Variants in KSR2 observed in about 807,000 individuals in gnomAD.
The protein encoded by KSR2 is kinase suppressor of ras 2.
A neutral mutation model predicts 107.8 loss-of-function variants in KSR2; 25 were observed. That is an observed-to-expected ratio of 0.23 (90% CI 0.17 to 0.32). The LOEUF (loss-of-function observed/expected upper bound fraction) is 0.32, where lower values mean the gene tolerates loss of function less well. KSR2 is among the 10% of genes least tolerant of loss of function. KSR2 has a pLI of 1.00. For synonymous variants in KSR2, 480 were observed against 507.0 expected, an observed-to-expected ratio of 0.95 and a Z score of 0.71; for missense variants, 887 against 1,268.9, an observed-to-expected ratio of 0.70 and a Z score of 4.57.
intron 4 of KSR2, among the ~76,000 whole-genome samples, chr12:117,714,057 G>A (rs904025115): frequency 2.0e-5 from 3 of 152,086 alleles, no homozygotes; most frequent in South Asian, 4.2e-4. Context: ...ATTTGGGGGC[G>A]GGATGGAGTG....
chr12:117,859,662 G>A (rs1431084135), intron 2 of KSR2, among the ~76,000 whole-genome samples: 3 of 151,822 alleles, frequency 2.0e-5, no homozygotes, highest in Admixed American at 1.3e-4. Flanking sequence ...TCGCCATGTT[G>A]CCCAGGCTGG....
chr12:117,739,323 C>T (rs1429274963), intron 4 of KSR2, among the ~76,000 whole-genome samples: 1 of 152,142 alleles, frequency 6.6e-6, no homozygotes, highest in African/African-American at 2.4e-5. Flanking sequence ...CCACTGCACT[C>T]CAGCCTGGGC....
chr12:117,475,160 T>C (rs1391706935), intron 17 of KSR2, among the ~76,000 whole-genome samples: 2 of 152,176 alleles, frequency 1.3e-5, no homozygotes, highest in Non-Finnish European at 2.9e-5. Context: ...GCCAGAGTGA[T>C]CTGATTGATC....
chr12:117,491,738 G>T (rs1030488759), intron 14 of KSR2, among the ~76,000 whole-genome samples: 1 of 152,174 alleles, frequency 6.6e-6, no homozygotes, highest in Admixed American at 6.5e-5. Context: ...CGTTCCTCTG[G>T]ATAAATACCC....
intron 7 of KSR2, among the ~76,000 whole-genome samples, chr12:117,570,968 C>G (rs1469949154): frequency 1.3e-5 from 2 of 152,134 alleles, no homozygotes; most frequent in Non-Finnish European, 2.9e-5. Flanking sequence ...TCAGAAGAAA[C>G]CTATTCCAGC....
intron 7 of KSR2, among the ~76,000 whole-genome samples, chr12:117,568,640 A>C (rs1356934922): frequency 6.6e-6 from 1 of 152,134 alleles, no homozygotes; most frequent in African/African-American, 2.4e-5. Flanking sequence ...TAGTTGTGGC[A>C]AGGATTAAAT....
At chr12:117,748,050 C>A (rs1888474640) in intron 4 of KSR2, among the ~76,000 whole-genome samples, 1 of 152,082 alleles carries the variant, frequency 6.6e-6, no homozygotes, top group Non-Finnish European at 1.5e-5. Flanking sequence ...TTGAATCAAC[C>A]TAAGAGTCCA....
chr12:117,817,285 A>G (rs1891406331), intron 3 of KSR2, among the ~76,000 whole-genome samples: 1 of 152,196 alleles, frequency 6.6e-6, no homozygotes, highest in African/African-American at 2.4e-5. Context: ...TCTGAATTTC[A>G]AAACCATTCT....
At chr12:117,898,335 CT>C (rs763844468) in intron 1 of KSR2, among the ~76,000 whole-genome samples, 4,923 of 143,774 alleles carry the variant, frequency 0.034, 219 homozygotes, top group African/African-American at 0.11. Flanking sequence ...TTTTTTTTAA[CT>C]TTTTTTTTTT....
At chr12:117,961,113 T>C (rs2137606729) in intron 1 of KSR2, among the ~76,000 whole-genome samples, 1 of 152,320 alleles carries the variant, frequency 6.6e-6, no homozygotes, top group South Asian at 2.1e-4. Context: ...CTCTTCTTCC[T>C]GAGCTCAGCT....
chr12:117,547,898 C>T (rs1216854785), intron 9 of KSR2, among the ~76,000 whole-genome samples: 2 of 151,146 alleles, frequency 1.3e-5, no homozygotes, highest in Admixed American at 1.3e-4. Context: ...AGTTCAAGAC[C>T]AGCCTGGCCA....
chr12:117,574,484 G>C (rs572687998), intron 7 of KSR2, among the ~76,000 whole-genome samples: 1 of 152,236 alleles, frequency 6.6e-6, no homozygotes, highest in Admixed American at 6.5e-5. Context: ...GAAACCCAAA[G>C]GCCGCGACAA....
chr12:117,851,509 G>C (rs1006705688), intron 3 of KSR2, among the ~76,000 whole-genome samples: 1 of 152,152 alleles, frequency 6.6e-6, no homozygotes, highest in South Asian at 2.1e-4. Context: ...CTTGAGCCCA[G>C]AAGGTCGAGG....
At chr12:117,798,263 C>T (rs1189294686) in intron 3 of KSR2, among the ~76,000 whole-genome samples, 5 of 152,152 alleles carry the variant, frequency 3.3e-5, no homozygotes, top group African/African-American at 7.2e-5. Context: ...CTCATATCCG[C>T]GCTTCTGCCT....
In KSR2 at chr12:117,462,145, T is replaced by G. The variant is rs1023531073; in HGVS notation, c.*5054A>C. On this transcript the variant is annotated 3_prime_UTR_variant, in exon 20 of 20. Coordinates refer to ENST00000339824, the MANE Select transcript of KSR2 (RefSeq NM_173598.6). ...TAGACCAGGAATTCTGGGGAATCTA[T>G]CTTCAAGGGCACCTGGGTTCTACAG... 2.7e-5 allele frequency: 4 copies of G among 147,938 alleles called. No homozygotes were observed. The highest frequency in any genetic ancestry group is 5.9e-5 in the Non-Finnish European group (4 of 67,714). The allele number at this position is 147,938 out of a possible 1,614,324, so 9.2% of individuals were successfully genotyped here. A position where few individuals can be genotyped will look rare whatever the true frequency, so the allele number is the denominator to read the frequency against.
intron 14 of KSR2, among the ~76,000 whole-genome samples, chr12:117,508,845 G>A (rs939371842): frequency 1.4e-5 from 2 of 146,830 alleles, no homozygotes; most frequent in African/African-American, 5.0e-5. Context: ...ATGTTAAACA[G>A]ATGGGTGGAT....
At chr12:117,596,655 A>G (rs562189758) in intron 5 of KSR2, among the ~76,000 whole-genome samples, 4 of 152,348 alleles carry the variant, frequency 2.6e-5, no homozygotes, top group African/African-American at 9.6e-5. Flanking sequence ...TCAGCGCAAC[A>G]GAACCCAAAA....
In KSR2 at chr12:117,968,892, G is replaced by A; in HGVS notation, c.-637C>T. On this transcript the variant is annotated 5_prime_UTR_variant, in exon 1 of 20. Transcript: ENST00000339824. Reference sequence around the variant, plus strand: ...CGGCTGGCTGCTGTCTCCTCCCCGCGCTGCTGCTGCTGCTGCTGCTGCCGC... The same window carrying A: ...CGGCTGGCTGCTGTCTCCTCCCCGCACTGCTGCTGCTGCTGCTGCTGCCGC... The A allele has an allele frequency of 4.7e-6, 1 of 214,530 alleles. No homozygotes were observed. Among genetic ancestry groups the A allele is most frequent in the South Asian group, 5.2e-5 (1 of 19,158 alleles). 13.3% of individuals were successfully genotyped at this position (214,530 alleles called of 1,614,324 possible).
intron 3 of KSR2, among the ~76,000 whole-genome samples, chr12:117,788,229 A>G (rs10850899): frequency 0.58 from 87,768 of 152,092 alleles, 26,992 homozygotes; most frequent in African/African-American, 0.78. Context: ...AAAAGAAATG[A>G]ATGACTTCAT....
Sources: allele counts gnomAD v4.1 joint callset (sites outside exome capture counted in the v4.1 genomes callset), GRCh38; gene constraint gnomAD v4.1.1; transcripts MANE v1.5; gene names NCBI Gene and HGNC (gene_info 2026-07-23, HGNC 2026-07-21).